The following ADAMTS12 variants were observed in gnomAD, a reference collection of about 807,000 sequenced individuals.
The protein encoded by ADAMTS12 is ADAM metallopeptidase with thrombospondin type 1 motif 12.
Under a neutral mutation model 167.8 loss-of-function variants are expected in ADAMTS12, and 118 were observed. The observed-to-expected ratio is 0.70, with a 90% confidence interval of 0.61 to 0.82. The LOEUF (loss-of-function observed/expected upper bound fraction) is 0.82. Ranked by LOEUF, ADAMTS12 falls within the 40% of genes least tolerant of loss-of-function variation. The pLI is 0.00. For missense variants in ADAMTS12, 1,916 were observed against 1,998.8 expected, an observed-to-expected ratio of 0.96 and a Z score of 0.79; for synonymous variants, 704 against 716.9, an observed-to-expected ratio of 0.98 and a Z score of 0.29.
Position 33,552,367 on chromosome 5 carries a change from G to C in ADAMTS12, c.4126-2984C>G, listed in dbSNP as rs546981621. 3.0e-4 allele frequency among the ~76,000 whole-genome samples: 46 copies of C among 152,178 alleles called. No individual in the cohort carries two copies. In the East Asian group the frequency reaches 6.4e-3, roughly 21 times the overall value. ...AGATTAATCACTGCACTTCTCTAAG[G>C]CTCCATTTCTCCATTGGTATTCAAA... On this transcript the variant is annotated intron_variant, in intron 20 of 23. Transcript: ENST00000504830.
rs112991472 is a variant in ADAMTS12, at chr5:33,799,704, T to A, written c.490-48156A>T. On this transcript the variant is annotated intron_variant, in intron 2 of 23. Transcript: ENST00000504830. Reference sequence around the variant, plus strand: ...ATGTGCTTAATTAATGTATTTCCCATCTCTTTCTTTCTTTGCTGCTCAAAA... The same window carrying A: ...ATGTGCTTAATTAATGTATTTCCCAACTCTTTCTTTCTTTGCTGCTCAAAA... 1.8e-3 allele frequency among the ~76,000 whole-genome samples: 270 copies of A among 152,334 alleles called. 2 individuals are homozygous for A. Among genetic ancestry groups the A allele is most frequent in the Admixed American group, 4.9e-3 (75 of 15,304 alleles).
At position 33,588,583 on chromosome 5, in the gene ADAMTS12, C is replaced by G; in HGVS notation, c.2865+16G>C. The stretch of plus-strand genomic sequence containing the variant: ...GCTTGAATAATGCCAGTTTCCCCGC[C>G]GAGCCCTGAGCTCACCTCACTCCAG... On this transcript the variant is annotated intron_variant, in intron 18 of 23. Coordinates refer to ENST00000504830, the MANE Select transcript of ADAMTS12 (RefSeq NM_030955.4). 1 of 1,612,836 alleles carries G rather than the reference C, an allele frequency of 6.2e-7. No individual in the cohort carries two copies. The highest frequency in any genetic ancestry group is 8.5e-7 in the Non-Finnish European group (1 of 1,178,846).
intron 2 of ADAMTS12, among the ~76,000 whole-genome samples, chr5:33,800,846 T>G (rs1026482887): frequency 6.6e-6 from 1 of 152,168 alleles, no homozygotes; most frequent in South Asian, 2.1e-4. Context: ...AATAACGGTA[T>G]CTATGTCCTA....
rs147931194 is a variant in ADAMTS12 at position 33,588,283 on chromosome 5, T to TA, written c.2865+315dup. Among the ~76,000 whole-genome samples the TA allele has an allele frequency of 8.1e-3, 1,239 of 152,292 alleles. 25 individuals carry two copies. The highest frequency in any genetic ancestry group is 0.028 in the African/African-American group (1,168 of 41,558). On this transcript the variant is annotated intron_variant, in intron 18 of 23. Transcript: ENST00000504830. ...GGTGTGTGGGAGGTCCCTTATCTGC[T>TA]ACCAGTGGTTTAACAATGGGCCTGG...
At position 33,624,230 on chromosome 5, in the gene ADAMTS12, C is replaced by T; in HGVS notation, c.2143+1G>A. The T allele has an allele frequency of 1.2e-6, 2 of 1,614,030 alleles. No individual in the cohort carries two copies. The highest frequency in any genetic ancestry group is 1.7e-6 in the Non-Finnish European group (2 of 1,179,940). On this transcript the variant is annotated splice_donor_variant, in intron 14 of 23. Coordinates refer to ENST00000504830, the MANE Select transcript of ADAMTS12 (RefSeq NM_030955.4). LOFTEE classifies it high-confidence loss of function. Reference sequence around the variant, plus strand: ...ACTTCGATTATTTATTTGTTTATTACCAGATCCTTCCTTCTGCTTAAACAT... The same window carrying T: ...ACTTCGATTATTTATTTGTTTATTATCAGATCCTTCCTTCTGCTTAAACAT...
intron 2 of ADAMTS12, among the ~76,000 whole-genome samples, chr5:33,864,355 T>A (rs1277835062): frequency 6.6e-6 from 1 of 152,146 alleles, no homozygotes; most frequent in Non-Finnish European, 1.5e-5. Context: ...CTGGAGAGGA[T>A]GTAGAGAAAT....
intron 2 of ADAMTS12, among the ~76,000 whole-genome samples, chr5:33,852,646 T>A (rs1278300707): frequency 6.6e-6 from 1 of 152,220 alleles, no homozygotes; most frequent in Non-Finnish European, 1.5e-5. Context: ...GTCTGCAAGT[T>A]AGAGAAACGG....
intron 2 of ADAMTS12, among the ~76,000 whole-genome samples, chr5:33,807,400 T>G (rs2112481668): frequency 6.6e-6 from 1 of 152,352 alleles, no homozygotes; most frequent in South Asian, 2.1e-4. Context: ...CATCATTTAC[T>G]AGCTGCGAGA....
At chr5:33,748,063 C>T (rs1045795538) in intron 3 of ADAMTS12, among the ~76,000 whole-genome samples, 3 of 152,202 alleles carry the variant, frequency 2.0e-5, no homozygotes, top group Non-Finnish European at 4.4e-5. Flanking sequence ...ATCCCAGACT[C>T]TGACCTTACC....
chr5:33,561,180 C>G lies in ADAMTS12; in HGVS notation c.3973-1G>C. On this transcript the variant is annotated splice_acceptor_variant, in intron 19 of 23. Transcript: ENST00000504830. LOFTEE classifies it high-confidence loss of function. ...CCCCCAGGCCACATGTGGTGGAGCA[C>G]TGTAGCAGGGAAGGAGAGAGATGAC... The G allele has an allele frequency of 6.2e-7, 1 of 1,613,582 alleles. No homozygotes were observed. The highest frequency in any genetic ancestry group is 1.3e-5 in the African/African-American group (1 of 75,022).
At chr5:33,758,371 G>A (rs541533299) in intron 2 of ADAMTS12, among the ~76,000 whole-genome samples, 11 of 152,142 alleles carry the variant, frequency 7.2e-5, no homozygotes, top group South Asian at 6.3e-4. Flanking sequence ...CCATCGCTAG[G>A]CTGCAAGAAG....
At chr5:33,861,948 A>G (rs575574950) in intron 2 of ADAMTS12, among the ~76,000 whole-genome samples, 14 of 152,344 alleles carry the variant, frequency 9.2e-5, no homozygotes, top group Non-Finnish European at 1.8e-4. Flanking sequence ...TAACGAAATA[A>G]AGGCAGAAAT....
chr5:33,592,268 AAAAAC>A (rs972835010), intron 17 of ADAMTS12, among the ~76,000 whole-genome samples: 3 of 151,548 alleles, frequency 2.0e-5, no homozygotes, highest in Non-Finnish European at 2.9e-5. Context: ...CAAAAAAACA[AAAAAC>A]AAAACAAAAC....
chr5:33,852,199 G>A lies in ADAMTS12; in HGVS notation c.489+28920C>T, dbSNP rs970490732. On this transcript the variant is annotated intron_variant, in intron 2 of 23. Transcript: ENST00000504830. ...GAAAATTCCCAGAAAGCTCAGTTTG[G>A]TAAACAGAAAAAAAAAGTCCTTAGA... Among the ~76,000 whole-genome samples the A allele has an allele frequency of 5.9e-5, 9 of 152,084 alleles. No individual in the cohort carries two copies. In the East Asian group the frequency reaches 1.7e-3, roughly 29 times the overall value.
intron 2 of ADAMTS12, among the ~76,000 whole-genome samples, chr5:33,756,138 G>C (rs1034212308): frequency 6.6e-6 from 1 of 152,194 alleles, no homozygotes; most frequent in Admixed American, 6.5e-5. Flanking sequence ...TAACAAGTAG[G>C]GAAGGGAACA....
chr5:33,556,675 T>A (rs995256836), intron 20 of ADAMTS12, among the ~76,000 whole-genome samples: 1 of 152,138 alleles, frequency 6.6e-6, no homozygotes, highest in Non-Finnish European at 1.5e-5. Context: ...CACAGTGTGG[T>A]CACACTGCAC....
At chr5:33,698,930 G>A (rs1742885257) in intron 3 of ADAMTS12, among the ~76,000 whole-genome samples, 1 of 152,214 alleles carries the variant, frequency 6.6e-6, no homozygotes, top group Non-Finnish European at 1.5e-5. Flanking sequence ...GCCAAGGTGG[G>A]TGGATCACCT....
At chr5:33,723,439 T>C (rs1464361221) in intron 3 of ADAMTS12, among the ~76,000 whole-genome samples, 1 of 152,180 alleles carries the variant, frequency 6.6e-6, no homozygotes, top group Non-Finnish European at 1.5e-5. Context: ...CAAATGTGCA[T>C]AGATCTCTTC....
chr5:33,605,078 T>C lies in ADAMTS12; in HGVS notation c.2528-9018A>G, dbSNP rs191191931. On this transcript the variant is annotated intron_variant, in intron 16 of 23. Coordinates refer to ENST00000504830, the MANE Select transcript of ADAMTS12 (RefSeq NM_030955.4). ...TCTTCTTCAGACCTGTTTCTTGTTA[T>C]ATGTTCTTTGTCGCAGTGAATGATA... Among the ~76,000 whole-genome samples the C allele has an allele frequency of 3.9e-4, 60 of 152,358 alleles. 1 individual carries two copies. The highest frequency in any genetic ancestry group is 2.5e-3 in the Admixed American group (39 of 15,306).
Sources: gnomAD v4.1 joint callset for allele counts (sites outside exome capture counted in the v4.1 genomes callset) on GRCh38, gnomAD v4.1.1 for gene constraint, MANE v1.5 for transcripts, NCBI Gene and HGNC (gene_info 2026-07-23, HGNC 2026-07-21) for gene names.